CYP20A1: variants seen among roughly 807,000 people sequenced by gnomAD.
The protein encoded by CYP20A1 is cytochrome P450 family 20 subfamily A member 1.
Under a neutral mutation model 61.4 loss-of-function variants are expected in CYP20A1, and 61 were observed. The ratio of observed to expected loss-of-function variants is 0.99; its 90% confidence interval spans 0.81 to 1.23. The LOEUF is 1.23. Among genes scored for constraint, CYP20A1 ranks in the 50% most tolerant of loss-of-function variants. The probability of loss-of-function intolerance (pLI) is 0.00; values close to 1 mark genes in which losing one functional copy is unlikely to be tolerated. For synonymous variants in CYP20A1, 193 were observed against 188.2 expected (o/e 1.03, Z -0.21); for missense variants, 530 against 542.4 (o/e 0.98, Z 0.23).
rs533384069 is a variant in CYP20A1, at chr2:203,243,155, T to G, written c.73-2691T>G. Among the ~76,000 whole-genome samples the G allele has an allele frequency of 2.0e-5, 3 of 152,336 alleles. No individual in the cohort carries two copies. In the East Asian group the frequency reaches 5.8e-4, roughly 29 times the overall value. On this transcript the variant is annotated intron_variant, in intron 1 of 12. Transcript: ENST00000356079. ...AATAACTGATAATCTCTTGTTTTTT[T>G]GAGACGGAGTCTTACTGTGTCACCC...
At chr2:203,281,279 G>T (rs2068031012) in intron 8 of CYP20A1, among the ~76,000 whole-genome samples, 2 of 152,082 alleles carry the variant, frequency 1.3e-5, no homozygotes, top group Non-Finnish European at 2.9e-5. Flanking sequence ...GGCCGAGGTG[G>T]ATGAATCACT....
At chr2:203,240,123 C>T (rs541568719) in intron 1 of CYP20A1, among the ~76,000 whole-genome samples, 7 of 152,198 alleles carry the variant, frequency 4.6e-5, no homozygotes, top group African/African-American at 1.7e-4. Flanking sequence ...AAACAAAAAA[C>T]ACCTGTTCTA....
chr2:203,265,604 A>T (rs937792603), intron 4 of CYP20A1, among the ~76,000 whole-genome samples: 1 of 152,194 alleles, frequency 6.6e-6, no homozygotes, highest in African/African-American at 2.4e-5. Flanking sequence ...TTATATAAAG[A>T]TAAGGGATTT....
In CYP20A1 at chr2:203,301,262, C is replaced by CT. The variant is rs1190795053; in HGVS notation, c.*4366dup. ...TTCTTTTCTTTCTTTCTTTTCTTTT[C>CT]TTTTTTTTTTTTGAGGCACAGTCTT... On this transcript the variant is annotated 3_prime_UTR_variant, in exon 13 of 13. Coordinates refer to ENST00000356079, the MANE Select transcript of CYP20A1 (RefSeq NM_177538.3). Among the ~76,000 whole-genome samples, 1,285 of 133,034 alleles carry CT rather than the reference C, an allele frequency of 9.7e-3. 19 individuals are homozygous for CT. The highest frequency in any genetic ancestry group is 0.028 in the African/African-American group (1,016 of 36,824). 87.3% of individuals were successfully genotyped at this position (133,034 alleles called of 152,430 possible). A position where few individuals can be genotyped will look rare whatever the true frequency, so the allele number is the denominator to read the frequency against.
At chr2:203,278,460 G>T (rs777220931) in intron 6 of CYP20A1, 113 bp from the exon 7 acceptor site, 1 of 484,098 alleles carries the variant, frequency 2.1e-6, no homozygotes, top group Non-Finnish European at 3.7e-6. Flanking sequence ...TTTGTTGTTG[G>T]TTACTAACTT....
At chr2:203,242,123 T>C (rs905003775) in intron 1 of CYP20A1, among the ~76,000 whole-genome samples, 26 of 152,336 alleles carry the variant, frequency 1.7e-4, no homozygotes, top group African/African-American at 5.1e-4. Flanking sequence ...ATTACAGGCA[T>C]GAGCCACCGT....
At chr2:203,258,412 T>C (rs930253972) in intron 4 of CYP20A1, among the ~76,000 whole-genome samples, 17 of 147,678 alleles carry the variant, frequency 1.2e-4, no homozygotes, top group African/African-American at 4.2e-4. Context: ...AAAAAAACGG[T>C]TAGTAAATGT....
At position 203,252,167 on chromosome 2, in the gene CYP20A1, T is replaced by A. The variant is rs557548538; in HGVS notation, c.432+58T>A. ...ACAACATAAATAATAGTATTTATTT[T>A]TTGAGTATTGGTGTGTACTATCTTT... On this transcript the variant is annotated intron_variant, in intron 4 of 12. Coordinates refer to ENST00000356079, the MANE Select transcript of CYP20A1 (RefSeq NM_177538.3). 8.3e-6 allele frequency: 11 copies of A among 1,330,650 alleles called. No homozygotes were observed. In the East Asian group the frequency reaches 2.1e-4, roughly 26 times the overall value. The allele number at this position is 1,330,650 out of a possible 1,614,324, so 82.4% of individuals were successfully genotyped here.
chr2:203,302,148 ACTC>A lies in CYP20A1; in HGVS notation c.*5244_*5246del. On this transcript the variant is annotated 3_prime_UTR_variant, in exon 13 of 13. Coordinates refer to ENST00000356079, the MANE Select transcript of CYP20A1 (RefSeq NM_177538.3). ...ACCATGTTGGCCAGGCTGGCCTCGA[ACTC>A]CTCAACCTCAAGTAGTCTGCCCACC... is the stretch of plus-strand genomic sequence containing the variant. Among the ~76,000 whole-genome samples the A allele has an allele frequency of 6.6e-6, 1 of 151,710 alleles. No homozygotes were observed. Among genetic ancestry groups the A allele is most frequent in the East Asian group, 1.9e-4 (1 of 5,174 alleles).
intron 4 of CYP20A1, among the ~76,000 whole-genome samples, chr2:203,253,188 C>T (rs2066760380): frequency 6.6e-6 from 1 of 152,212 alleles, no homozygotes; most frequent in Admixed American, 6.5e-5. Context: ...CCCCACGGGT[C>T]CTGCCTTGGG....
At chr2:203,289,967 G>A (rs1010685331) in intron 10 of CYP20A1, 91 bp downstream of exon 10, 7 of 461,022 alleles carry the variant, frequency 1.5e-5, no homozygotes, top group Non-Finnish European at 2.2e-5. Flanking sequence ...TTAGACAGAG[G>A]TTTGCTCTTG....
intron 11 of CYP20A1, among the ~76,000 whole-genome samples, chr2:203,293,751 T>G (rs993475188): frequency 3.3e-5 from 5 of 152,072 alleles, no homozygotes; most frequent in African/African-American, 1.2e-4. Context: ...ATCATTCTTA[T>G]GTCTTTACGT....
rs1283040543 is a variant in CYP20A1 at position 203,275,192 on chromosome 2, G to A, written c.679+2444G>A. Among the ~76,000 whole-genome samples, 4 of 152,174 alleles carry A rather than the reference G, an allele frequency of 2.6e-5. No homozygotes were observed. The South Asian group carries it at 8.3e-4, about 32-fold the overall frequency. On this transcript the variant is annotated intron_variant, in intron 6 of 12. Coordinates refer to ENST00000356079, the MANE Select transcript of CYP20A1 (RefSeq NM_177538.3). ...CAGGTATTTTTGTAAAGGCTCTCCA[G>A]ATTATTCTAATGTACTTGTAGGGTT...
rs189571460 is a variant in CYP20A1 at position 203,286,747 on chromosome 2, G to A, written c.971+1015G>A. Among the ~76,000 whole-genome samples, 777 of 152,194 alleles carry A rather than the reference G, an allele frequency of 5.1e-3. 10 individuals carry two copies. Among genetic ancestry groups the A allele is most frequent in the African/African-American group, 0.017 (698 of 41,532 alleles). The stretch of plus-strand genomic sequence containing the variant: ...ATATATTACTTGTGGTTGTAGTTAC[G>A]CAATTGTATACAATTACTAAAATTC... On this transcript the variant is annotated intron_variant, in intron 9 of 12. Transcript: ENST00000356079.
chr2:203,263,088 A>G (rs2067197866), intron 4 of CYP20A1, among the ~76,000 whole-genome samples: 2 of 151,492 alleles, frequency 1.3e-5, no homozygotes, highest in Admixed American at 1.3e-4. Context: ...TCCTGGGTTC[A>G]AGCAGTTCTC....
At chr2:203,258,828 G>C (rs2067018699) in intron 4 of CYP20A1, among the ~76,000 whole-genome samples, 1 of 152,082 alleles carries the variant, frequency 6.6e-6, no homozygotes, top group African/African-American at 2.4e-5. Context: ...CTCCCTGGAG[G>C]CAGTTATGTT....
rs2068914523 is a variant in CYP20A1 at position 203,298,879 on chromosome 2, C to T, written c.*1971C>T. On this transcript the variant is annotated 3_prime_UTR_variant, in exon 13 of 13. Transcript: ENST00000356079. ...TGAAACCCCATCTCTACTAAAAATA[C>T]AAAAAATTATCTGGACATGCTGGCG... is the stretch of plus-strand genomic sequence containing the variant. Among the ~76,000 whole-genome samples the T allele has an allele frequency of 6.6e-6, 1 of 151,180 alleles. No homozygotes were observed. Among genetic ancestry groups the T allele is most frequent in the Non-Finnish European group, 1.5e-5 (1 of 67,838 alleles).
intron 3 of CYP20A1, 36 bp downstream of exon 3, chr2:203,246,957 A>G (rs1205310706): frequency 6.3e-7 from 1 of 1,596,276 alleles, no homozygotes; most frequent in South Asian, 1.1e-5. Context: ...CCTGATCCTT[A>G]CCTTTTAAGA....
rs142001532 is a variant in CYP20A1, at chr2:203,277,529, T to C, written c.680-1044T>C. On this transcript the variant is annotated intron_variant, in intron 6 of 12. Coordinates refer to ENST00000356079, the MANE Select transcript of CYP20A1 (RefSeq NM_177538.3). The stretch of plus-strand genomic sequence containing the variant: ...ATATATTTATTTATTTAGAGATAAA[T>C]AAAATATTTATTTATTTATTCTCTC... Among the ~76,000 whole-genome samples, 758 of 151,908 alleles carry C rather than the reference T, an allele frequency of 5.0e-3. 11 individuals carry two copies. The highest frequency in any genetic ancestry group is 0.017 in the African/African-American group (722 of 41,502).
Sources: allele counts gnomAD v4.1 joint callset (sites outside exome capture counted in the v4.1 genomes callset), GRCh38; gene constraint gnomAD v4.1.1; transcripts MANE v1.5; gene names NCBI Gene and HGNC (gene_info 2026-07-23, HGNC 2026-07-21).